Variants in PDAP1 observed in about 807,000 individuals in gnomAD.
PDAP1 encodes the protein 28 kDa heat- and acid-stable phosphoprotein.
In PDAP1, 13 loss-of-function variants were observed where a neutral mutation model predicts 28.0. The observed-to-expected ratio is 0.46, with a 90% CI of 0.30 to 0.74. The LOEUF (loss-of-function observed/expected upper bound fraction) is 0.74. PDAP1 is among the 30% of genes least tolerant of loss of function. PDAP1 has a pLI of 0.07. For missense variants in PDAP1, 150 were observed against 230.0 expected, an observed-to-expected ratio of 0.65 and a Z score of 2.25; for synonymous variants, 77 against 85.1, an observed-to-expected ratio of 0.91 and a Z score of 0.52.
intron 4 of PDAP1, among the ~76,000 whole-genome samples, chr7:99,399,991 C>G (rs73148811): frequency 6.6e-6 from 1 of 152,306 alleles, no homozygotes; most frequent in Non-Finnish European, 1.5e-5. Context: ...ATGGTCAGAT[C>G]AGTGGGGTAA....
Position 99,397,872 on chromosome 7 carries a change from C to T in PDAP1, c.477G>A (p.Glu159=). The T allele has an allele frequency of 6.2e-7, 1 of 1,612,780 alleles. No individual in the cohort carries two copies. Among genetic ancestry groups the T allele is most frequent in the Non-Finnish European group, 8.5e-7 (1 of 1,180,042 alleles). ...CAGCCCAGCCCTTACCTTTCCTTTC[C>T]TCTTCCTTCTTCCGGGCAGCCTCCT... ...QREEAARKKE[E]ERKAKDDATL... is the part of the protein sequence containing the mutation. Residue 159 remains glutamate, a synonymous_variant, in exon 5 of 6, where the codon GAG becomes GAA. Transcript: ENST00000350498.
intron 3 of PDAP1, 47 bp downstream of exon 3, chr7:99,403,351 G>T: frequency 1.7e-6 from 2 of 1,155,762 alleles, no homozygotes; most frequent in Non-Finnish European, 2.6e-6. Flanking sequence ...ACGTTTGTTT[G>T]TTGAATGAAT....
chr7:99,403,546 A>C (rs1794919044), intron 2 of PDAP1, 41 bp from the exon 3 acceptor site: 2 of 1,274,708 alleles, frequency 1.6e-6, no homozygotes, highest in African/African-American at 2.9e-5. Context: ...AAAAATGCAA[A>C]ACAAATCCCC....
In PDAP1 at chr7:99,395,745, G is replaced by C. The variant is rs1794743891; in HGVS notation, c.*937C>G. On this transcript the variant is annotated 3_prime_UTR_variant, in exon 6 of 6. Coordinates refer to ENST00000350498, the MANE Select transcript of PDAP1 (RefSeq NM_014891.7). ...TGCTGCTTCAGCCTACTGTGGCCTG[G>C]AAGGGTCCCTGCCTGCTGAGGCCTA... is the stretch of plus-strand genomic sequence containing the variant. 6.6e-6 allele frequency: 1 copy of C among 152,350 alleles called. No individual in the cohort carries two copies. Among genetic ancestry groups the C allele is most frequent in the African/African-American group, 2.4e-5 (1 of 41,466 alleles). The allele number at this position is 152,350 out of a possible 1,614,324, so 9.4% of individuals were successfully genotyped here.
At chr7:99,406,694 A>G in intron 1 of PDAP1, 1 of 750,298 alleles carries the variant, frequency 1.3e-6, no homozygotes. Context: ...CCACACAGGA[A>G]GCTGAGGCCC....
At chr7:99,398,251 G>C (rs1006711130) in intron 4 of PDAP1, among the ~76,000 whole-genome samples, 2 of 152,230 alleles carry the variant, frequency 1.3e-5, no homozygotes, top group African/African-American at 4.8e-5. Context: ...AGAGGGAAAG[G>C]GGACAATGTC....
In PDAP1 at chr7:99,396,654, C is replaced by A. The variant is rs372418252; in HGVS notation, c.*28G>T. Reference sequence around the variant, plus strand: ...GAGGTCCTGGCAGCGCGGCCCAGGTCCCCGGCATCTCCTCCCACGGGTCGC... The same window carrying A: ...GAGGTCCTGGCAGCGCGGCCCAGGTACCCGGCATCTCCTCCCACGGGTCGC... On this transcript the variant is annotated 3_prime_UTR_variant, in exon 6 of 6. Coordinates refer to ENST00000350498, the MANE Select transcript of PDAP1 (RefSeq NM_014891.7). 52 of 1,598,968 alleles carry A rather than the reference C, an allele frequency of 3.3e-5. No homozygotes were observed. In the East Asian group the frequency reaches 4.9e-4, roughly 15 times the overall value.
chr7:99,408,145 A>C (rs1795020229), intron 1 of PDAP1, among the ~76,000 whole-genome samples: 1 of 152,122 alleles, frequency 6.6e-6, no homozygotes, highest in African/African-American at 2.4e-5. Flanking sequence ...GGCTGAACCG[A>C]AGCCAGAAAA....
In PDAP1 at chr7:99,404,029, C is replaced by G. The variant is rs1404885461; in HGVS notation, c.106-524G>C. The stretch of plus-strand genomic sequence containing the variant: ...AGAACAACACCTCGGAAGGCTGCTT[C>G]CCTCCACCTTTCTTGCCTTCCCACC... On this transcript the variant is annotated intron_variant, in intron 2 of 5. Coordinates refer to ENST00000350498, the MANE Select transcript of PDAP1 (RefSeq NM_014891.7). Among the ~76,000 whole-genome samples, 3 of 152,204 alleles carry G rather than the reference C, an allele frequency of 2.0e-5. No homozygotes were observed. In the East Asian group the frequency reaches 5.8e-4, roughly 29 times the overall value.
In PDAP1 at chr7:99,396,595, C is replaced by T. The variant is rs1361189395; in HGVS notation, c.*87G>A. ...TCCTGGCCATGAGGGGCTGTTGCAG[C>T]GGCGCCAGGGCACAGGGTGGGCGAG... On this transcript the variant is annotated 3_prime_UTR_variant, in exon 6 of 6. Coordinates refer to ENST00000350498, the MANE Select transcript of PDAP1 (RefSeq NM_014891.7). 5.2e-5 allele frequency: 55 copies of T among 1,058,006 alleles called. No homozygotes were observed. Among genetic ancestry groups the T allele is most frequent in the Non-Finnish European group, 5.9e-5 (41 of 698,402 alleles). 65.5% of individuals were successfully genotyped at this position (1,058,006 alleles called of 1,614,324 possible).
chr7:99,401,306 T>C (rs1794861406), intron 3 of PDAP1, among the ~76,000 whole-genome samples: 1 of 152,164 alleles, frequency 6.6e-6, no homozygotes, highest in Admixed American at 6.5e-5. Context: ...TCCACTGCCA[T>C]TGTCACCATC....
At chr7:99,404,559 T>G (rs146072786) in intron 2 of PDAP1, among the ~76,000 whole-genome samples, 1 of 152,058 alleles carries the variant, frequency 6.6e-6, no homozygotes, top group South Asian at 2.1e-4. Flanking sequence ...GAGCTGTGAA[T>G]GGACAGGTCC....
At chr7:99,407,917 A>T (rs1795014400) in intron 1 of PDAP1, among the ~76,000 whole-genome samples, 1 of 152,228 alleles carries the variant, frequency 6.6e-6, no homozygotes. Context: ...ACTGCCTGGC[A>T]CTGTACTGCG....
intron 3 of PDAP1, among the ~76,000 whole-genome samples, chr7:99,401,414 G>A (rs1056805652): frequency 3.3e-5 from 5 of 151,518 alleles, no homozygotes; most frequent in African/African-American, 1.2e-4. Flanking sequence ...CCACAACCTC[G>A]GTCTCCTGGG....
chr7:99,400,273 C>G, intron 4 of PDAP1, 30 bp downstream of exon 4: 1 of 1,611,860 alleles, frequency 6.2e-7, no homozygotes, highest in Non-Finnish European at 8.5e-7. Context: ...CTGTATTCCC[C>G]GTGACACAAG....
At chr7:99,398,045 C>G in intron 4 of PDAP1, 32 bp from the exon 5 acceptor site, 1 of 1,612,050 alleles carries the variant, frequency 6.2e-7, no homozygotes, top group Non-Finnish European at 8.5e-7. Flanking sequence ...ATGGGGACAT[C>G]TTTCCTACCA....
rs753085373 is a variant in PDAP1, at chr7:99,396,701, G to A, written c.527C>T (p.Ser176Leu). The change falls in exon 6 of 6, where the codon TCA becomes TTA. Residue 176 changes from serine (S) to leucine (L), a missense_variant. Physicochemically the swap from Ser to Leu is moderately radical, Grantham distance 145 (BLOSUM62 -2). Coordinates refer to ENST00000350498, the MANE Select transcript of PDAP1 (RefSeq NM_014891.7). Reference protein sequence around the residue: ...DATLSGKRMQSLSLNK With the variant: ...DATLSGKRMQLLSLNK ...TCGCAGTTACTTATTCAGGGAGAGT[G>A]ACTGCATTCGTTTTCCTGACAATGT... 6.2e-7 allele frequency: 1 copy of A among 1,611,758 alleles called. No individual in the cohort carries two copies. Among genetic ancestry groups the A allele is most frequent in the Non-Finnish European group, 8.5e-7 (1 of 1,179,682 alleles).
intron 4 of PDAP1, among the ~76,000 whole-genome samples, chr7:99,398,964 T>C (rs1794812641): frequency 6.6e-6 from 1 of 152,200 alleles, no homozygotes; most frequent in Non-Finnish European, 1.5e-5. Context: ...TGAGGGTCAT[T>C]AGCTTCCTTT....
intron 3 of PDAP1, among the ~76,000 whole-genome samples, chr7:99,403,013 T>C (rs1794907069): frequency 6.6e-6 from 1 of 152,178 alleles, no homozygotes; most frequent in Non-Finnish European, 1.5e-5. Context: ...ACAGCTACAC[T>C]GGCCCCCTTC....
Sources: gnomAD v4.1 joint callset for allele counts (sites outside exome capture counted in the v4.1 genomes callset) on GRCh38, gnomAD v4.1.1 for gene constraint, MANE v1.5 for transcripts, NCBI Gene and HGNC (gene_info 2026-07-23, HGNC 2026-07-21) for gene names.